The following SND1 variants were observed in gnomAD, a reference collection of about 807,000 sequenced individuals.
SND1 encodes the protein staphylococcal nuclease domain-containing protein 1.
SND1 carries 38 observed loss-of-function variants against 121.7 expected under a neutral mutation model. That is an observed-to-expected ratio of 0.31 (90% CI 0.24 to 0.41). The LOEUF (loss-of-function observed/expected upper bound fraction) is 0.41. Among genes scored for constraint, SND1 ranks in the 10% least tolerant of loss-of-function variants. The pLI, the probability that SND1 is intolerant of heterozygous loss-of-function variation, is 1.00. For synonymous variants in SND1, 401 were observed against 447.4 expected, an observed-to-expected ratio of 0.90 and a Z score of 1.31; for missense variants, 868 against 1,184.6, an observed-to-expected ratio of 0.73 and a Z score of 3.92.
intron 16 of SND1, among the ~76,000 whole-genome samples, chr7:128,048,040 G>A (rs1792981425): frequency 6.6e-6 from 1 of 152,046 alleles, no homozygotes; most frequent in African/African-American, 2.4e-5. Context: ...TAGAGACAGG[G>A]TTTCACCATG....
At chr7:127,696,616 G>A (rs1375544530) in intron 3 of SND1, among the ~76,000 whole-genome samples, 6 of 152,098 alleles carry the variant, frequency 3.9e-5, no homozygotes, top group East Asian at 3.8e-4. Context: ...AGACCTTACC[G>A]GACCACAGAT....
intron 16 of SND1, among the ~76,000 whole-genome samples, chr7:128,050,955 C>T (rs1793035672): frequency 6.6e-6 from 1 of 152,220 alleles, no homozygotes; most frequent in African/African-American, 2.4e-5. Context: ...ACCGTAGACT[C>T]CACCAAATCC....
chr7:127,834,057 A>G (rs989584260), intron 11 of SND1, among the ~76,000 whole-genome samples: 8 of 152,076 alleles, frequency 5.3e-5, no homozygotes, highest in Non-Finnish European at 8.8e-5. Flanking sequence ...ATAACATTCT[A>G]TTGTATGTAT....
At chr7:127,654,811 T>G (rs966555578) in intron 1 of SND1, among the ~76,000 whole-genome samples, 1 of 152,198 alleles carries the variant, frequency 6.6e-6, no homozygotes, top group East Asian at 1.9e-4. Flanking sequence ...CTGAGTGAAC[T>G]GCAGAGTGAC....
At chr7:127,686,216 C>G (rs1357954283) in intron 1 of SND1, among the ~76,000 whole-genome samples, 1 of 152,144 alleles carries the variant, frequency 6.6e-6, no homozygotes, top group Non-Finnish European at 1.5e-5. Flanking sequence ...CTAAGCCTTT[C>G]ATTGTTCGCT....
chr7:127,726,655 G>A (rs1308778895), intron 10 of SND1, among the ~76,000 whole-genome samples: 1 of 152,142 alleles, frequency 6.6e-6, no homozygotes, highest in Non-Finnish European at 1.5e-5. Flanking sequence ...GGCTGCTGTG[G>A]GCTTTGTGTT....
In SND1 at chr7:127,904,732, C is replaced by T. The variant is rs1800301018; in HGVS notation, c.1455-15C>T. ...GATTCTTGTTTTAATCGGTTTTTCT[C>T]TTCTTCCTTAACAGAGCTATTAAGA... On this transcript the variant is annotated splice_polypyrimidine_tract_variant and intron_variant, in intron 13 of 23. Transcript: ENST00000354725. The T allele has an allele frequency of 2.5e-6, 4 of 1,585,410 alleles. No homozygotes were observed. In the South Asian group the frequency reaches 4.4e-5, roughly 18 times the overall value.
chr7:127,711,460 A>G (rs1402568449), intron 9 of SND1, among the ~76,000 whole-genome samples: 1 of 152,108 alleles, frequency 6.6e-6, no homozygotes, highest in Admixed American at 6.5e-5. Context: ...TTTGATTTCT[A>G]ATTTTTTTAT....
chr7:127,774,785 G>A (rs1187144241), intron 10 of SND1, among the ~76,000 whole-genome samples: 2 of 152,054 alleles, frequency 1.3e-5, no homozygotes, highest in Middle Eastern at 3.2e-3. Flanking sequence ...TGCCATGTTG[G>A]CCAGGCTGGT....
chr7:128,065,758 C>T (rs1038793367), intron 16 of SND1, among the ~76,000 whole-genome samples: 5 of 152,196 alleles, frequency 3.3e-5, no homozygotes, highest in South Asian at 4.1e-4. Context: ...AAAGAACGGA[C>T]GCACCGAATG....
At chr7:127,987,440 C>A (rs144766082) in intron 15 of SND1, among the ~76,000 whole-genome samples, 17 of 152,316 alleles carry the variant, frequency 1.1e-4, no homozygotes, top group Non-Finnish European at 2.2e-4. Flanking sequence ...CTGCTCGCTG[C>A]CAGCATGTGG....
intron 1 of SND1, among the ~76,000 whole-genome samples, chr7:127,654,616 T>C (rs1327749111): frequency 6.6e-6 from 1 of 152,260 alleles, no homozygotes; most frequent in African/African-American, 2.4e-5. Flanking sequence ...GCTATTATGG[T>C]AAATGACTTC....
intron 11 of SND1, among the ~76,000 whole-genome samples, chr7:127,823,122 A>G (rs940733958): frequency 2.6e-5 from 4 of 152,204 alleles, no homozygotes; most frequent in Non-Finnish European, 5.9e-5. Flanking sequence ...TGAGTGAGAG[A>G]CAGAAGGGGA....
At chr7:127,926,687 G>A (rs1800845005) in intron 14 of SND1, among the ~76,000 whole-genome samples, 1 of 150,858 alleles carries the variant, frequency 6.6e-6, no homozygotes, top group Admixed American at 6.6e-5. Context: ...CAAGTAGCTG[G>A]GACTACAGGT....
intron 1 of SND1, among the ~76,000 whole-genome samples, chr7:127,671,533 G>C (rs565054566): frequency 1.3e-5 from 2 of 152,242 alleles, no homozygotes; most frequent in East Asian, 3.9e-4. Context: ...GTCTTGCTAT[G>C]TTGCCCGGGC....
intron 16 of SND1, among the ~76,000 whole-genome samples, chr7:128,013,136 A>C (rs1264063430): frequency 6.6e-6 from 1 of 152,196 alleles, no homozygotes; most frequent in Non-Finnish European, 1.5e-5. Context: ...TCCTCAGCCC[A>C]GTCCTAAGAA....
intron 16 of SND1, among the ~76,000 whole-genome samples, chr7:128,065,497 G>T (rs1410209432): frequency 6.6e-6 from 1 of 152,234 alleles, no homozygotes; most frequent in African/African-American, 2.4e-5. Flanking sequence ...GAACTGACAC[G>T]TGAACTTGAC....
intron 14 of SND1, among the ~76,000 whole-genome samples, chr7:127,909,308 T>C (rs145708043): frequency 1.3e-5 from 2 of 152,300 alleles, no homozygotes; most frequent in African/African-American, 4.8e-5. Flanking sequence ...AATCCATGGG[T>C]CTTTTTAATC....
In SND1 at chr7:128,092,229, C is replaced by T. The variant is rs1793794547; in HGVS notation, c.*171C>T. 4.6e-6 allele frequency: 3 copies of T among 657,214 alleles called. No individual in the cohort carries two copies. Among genetic ancestry groups the T allele is most frequent in the Non-Finnish European group, 7.8e-6 (3 of 382,698 alleles). The allele number at this position is 657,214 out of a possible 1,614,324, so 40.7% of individuals were successfully genotyped here. A position where few individuals can be genotyped will look rare whatever the true frequency, so the allele number is the denominator to read the frequency against. On this transcript the variant is annotated 3_prime_UTR_variant, in exon 24 of 24. Coordinates refer to ENST00000354725, the MANE Select transcript of SND1 (RefSeq NM_014390.4). The surrounding 1 kb of genome is among the most constrained non-coding windows in gnomAD (Gnocchi z 4.9). ...CATCGGGGCTGCGGGGTGGGGACCC[C>T]AAGGCTTTCTGGGGCAGACCCTTGT...
Sources: allele counts gnomAD v4.1 joint callset (sites outside exome capture counted in the v4.1 genomes callset), GRCh38; gene constraint gnomAD v4.1.1; non-coding constraint Gnocchi (gnomAD v3.1); transcripts MANE v1.5; gene names NCBI Gene and HGNC (gene_info 2026-07-23, HGNC 2026-07-21).